DNER: variants seen among roughly 807,000 people sequenced by gnomAD.
DNER encodes the protein delta and Notch-like epidermal growth factor-related receptor.
In DNER, 33 loss-of-function variants were observed where a neutral mutation model predicts 78.2. That is an observed-to-expected ratio of 0.42 (90% CI 0.32 to 0.56). The LOEUF is 0.56. Among genes scored for constraint, DNER ranks in the 20% least tolerant of loss-of-function variants. The pLI is 0.11. For missense variants in DNER, 918 were observed against 975.3 expected (o/e 0.94, Z 0.78); for synonymous variants, 417 against 384.8 (o/e 1.08, Z -0.98).
chr2:229,707,020 GTT>G (rs976251849), intron 1 of DNER, among the ~76,000 whole-genome samples: 7 of 151,544 alleles, frequency 4.6e-5, no homozygotes, highest in African/African-American at 1.7e-4. Context: ...TTTGTTTTGT[GTT>G]TTTTTTCCCC....
chr2:229,502,722 G>A (rs1040137634), intron 6 of DNER, among the ~76,000 whole-genome samples: 4 of 152,214 alleles, frequency 2.6e-5, no homozygotes, highest in Admixed American at 6.5e-5. Flanking sequence ...AGCCCATAAT[G>A]TCCAACAATG....
At chr2:229,485,919 C>A (rs548774753) in intron 6 of DNER, among the ~76,000 whole-genome samples, 14 of 152,180 alleles carry the variant, frequency 9.2e-5, no homozygotes, top group Non-Finnish European at 1.8e-4. Context: ...GCAATTGCGA[C>A]GAGAGCTATT....
intron 4 of DNER, among the ~76,000 whole-genome samples, chr2:229,563,585 CATT>C (rs1050628059): frequency 3.4e-5 from 5 of 148,350 alleles, no homozygotes; most frequent in South Asian, 2.1e-4. Flanking sequence ...TTGCCATCAT[CATT>C]AACATCATCA....
intron 1 of DNER, among the ~76,000 whole-genome samples, chr2:229,624,626 C>T (rs1698305727): frequency 6.6e-6 from 1 of 152,214 alleles, no homozygotes; most frequent in Non-Finnish European, 1.5e-5. Context: ...TTAAATAGTA[C>T]TTAAATAGTA....
At chr2:229,536,037 GA>G in intron 5 of DNER, among the ~76,000 whole-genome samples, 1 of 152,344 alleles carries the variant, frequency 6.6e-6, no homozygotes. Context: ...AGACTTCAGG[GA>G]AACAGATGAG....
intron 1 of DNER, among the ~76,000 whole-genome samples, chr2:229,602,180 C>T (rs369874312): frequency 2.0e-5 from 3 of 152,224 alleles, no homozygotes; most frequent in Non-Finnish European, 2.9e-5. Context: ...CTGCCTCTTT[C>T]GTACTCAGGA....
At chr2:229,408,543 G>A (rs1370029787) in intron 9 of DNER, among the ~76,000 whole-genome samples, 2 of 152,024 alleles carry the variant, frequency 1.3e-5, no homozygotes, top group Non-Finnish European at 2.9e-5. Flanking sequence ...AGAAAAATAT[G>A]CATAAAGCAA....
Position 229,621,644 on chromosome 2 carries a change from C to T in DNER, c.277-29756G>A, listed in dbSNP as rs1345167579. Among the ~76,000 whole-genome samples, 8 of 151,830 alleles carry T rather than the reference C, an allele frequency of 5.3e-5. No homozygotes were observed. In the East Asian group the frequency reaches 1.5e-3, roughly 29 times the overall value. On this transcript the variant is annotated intron_variant, in intron 1 of 12. Coordinates refer to ENST00000341772, the MANE Select transcript of DNER (RefSeq NM_139072.4). ...CAGCCATGCCTACTACAATATTTCC[C>T]ACACTTCCCACATGCTCCCAACAGG...
intron 1 of DNER, among the ~76,000 whole-genome samples, chr2:229,696,098 C>T (rs76120928): frequency 0.011 from 1,631 of 152,306 alleles, 13 homozygotes; most frequent in Non-Finnish European, 0.017. Flanking sequence ...AACCAAGTCT[C>T]CTGGCAGTGG....
intron 5 of DNER, among the ~76,000 whole-genome samples, chr2:229,518,611 C>A (rs564271963): frequency 6.6e-6 from 1 of 152,294 alleles, no homozygotes; most frequent in Non-Finnish European, 1.5e-5. Flanking sequence ...CACAGTCAAG[C>A]TTTTTACACC....
chr2:229,529,972 A>G (rs1328964372), intron 5 of DNER, among the ~76,000 whole-genome samples: 1 of 152,142 alleles, frequency 6.6e-6, no homozygotes, highest in Non-Finnish European at 1.5e-5. Flanking sequence ...ACTACATGCC[A>G]GCATGGGTGA....
intron 1 of DNER, among the ~76,000 whole-genome samples, chr2:229,709,359 C>CA (rs1699877842): frequency 6.6e-6 from 1 of 152,088 alleles, no homozygotes; most frequent in Non-Finnish European, 1.5e-5. Context: ...CAAGGATGTT[C>CA]AATAATTATC....
chr2:229,579,539 T>G (rs1393905585), intron 4 of DNER, among the ~76,000 whole-genome samples: 3 of 152,126 alleles, frequency 2.0e-5, no homozygotes, highest in Non-Finnish European at 2.9e-5. Flanking sequence ...ACAGGTAGCT[T>G]TAAGCGGTGC....
intron 5 of DNER, among the ~76,000 whole-genome samples, chr2:229,533,679 C>T (rs910209394): frequency 5.3e-5 from 8 of 152,186 alleles, no homozygotes; most frequent in South Asian, 2.1e-4. Context: ...GACCTGAGGT[C>T]GTCCATTTTT....
At chr2:229,698,952 G>T (rs1699702642) in intron 1 of DNER, among the ~76,000 whole-genome samples, 1 of 152,142 alleles carries the variant, frequency 6.6e-6, no homozygotes, top group Non-Finnish European at 1.5e-5. Flanking sequence ...CCCTCGTCAG[G>T]AGAAATAAGG....
intron 4 of DNER, among the ~76,000 whole-genome samples, chr2:229,570,065 G>A (rs753528654): frequency 1.1e-4 from 17 of 152,142 alleles, no homozygotes; most frequent in Non-Finnish European, 2.1e-4. Flanking sequence ...TGAGATTCTC[G>A]CTTATCACCT....
intron 1 of DNER, among the ~76,000 whole-genome samples, chr2:229,645,987 T>A (rs568990424): frequency 6.6e-6 from 1 of 152,342 alleles, no homozygotes; most frequent in East Asian, 1.9e-4. Flanking sequence ...TCTGGGGGAA[T>A]CTATTCCTTC....
chr2:229,446,079 C>T (rs967612338), intron 8 of DNER, among the ~76,000 whole-genome samples: 7 of 152,184 alleles, frequency 4.6e-5, no homozygotes, highest in Admixed American at 3.3e-4. Context: ...CACCGGCATT[C>T]GAATCTGGGC....
At chr2:229,690,930 C>T (rs963898) in intron 1 of DNER, among the ~76,000 whole-genome samples, 128,541 of 152,216 alleles carry the variant, frequency 0.84, 54,512 homozygotes, top group East Asian at 0.94. Context: ...CCAAGTTCAT[C>T]CTTATCACTG....
Sources: allele counts gnomAD v4.1 joint callset (sites outside exome capture counted in the v4.1 genomes callset), GRCh38; gene constraint gnomAD v4.1.1; transcripts MANE v1.5; gene names NCBI Gene and HGNC (gene_info 2026-07-23, HGNC 2026-07-21).